The following ACBD6 variants were observed in gnomAD, a reference collection of about 807,000 sequenced individuals.
ACBD6 encodes acyl-CoA binding domain containing 6.
ACBD6 carries 28 observed loss-of-function variants against 37.2 expected under a neutral mutation model. That is an observed-to-expected ratio of 0.75 (90% CI 0.56 to 1.03). The LOEUF (loss-of-function observed/expected upper bound fraction) is 1.03. Among genes scored for constraint, ACBD6 ranks in the 50% least tolerant of loss-of-function variants. The pLI, the probability that ACBD6 is intolerant of heterozygous loss-of-function variation, is 0.00. For synonymous variants in ACBD6, 113 were observed against 126.8 expected, an observed-to-expected ratio of 0.89 and a Z score of 0.73; for missense variants, 340 against 337.4, an observed-to-expected ratio of 1.01 and a Z score of -0.06.
chr1:180,495,600 T>C (rs1651702882), intron 1 of ACBD6, 75 bp from the exon 2 acceptor site: 4 of 1,161,276 alleles, frequency 3.4e-6, no homozygotes, highest in South Asian at 2.5e-5. Flanking sequence ...TCAAATGTAT[T>C]ATGTATATTC....
intron 1 of ACBD6, 22 bp from the exon 2 acceptor site, chr1:180,495,547 A>C (rs1417419642): frequency 6.4e-7 from 1 of 1,564,666 alleles, no homozygotes; most frequent in East Asian, 2.2e-5. Flanking sequence ...AAGGAAAATC[A>C]AGAACTTATT....
intron 5 of ACBD6, among the ~76,000 whole-genome samples, chr1:180,400,500 C>T (rs1647308355): frequency 6.6e-6 from 1 of 152,060 alleles, no homozygotes; most frequent in Non-Finnish European, 1.5e-5. Context: ...ATATTCCATG[C>T]AGTATTAAAA....
chr1:180,291,456 C>T (rs1262897945), intron 7 of ACBD6, among the ~76,000 whole-genome samples: 2 of 152,114 alleles, frequency 1.3e-5, no homozygotes, highest in African/African-American at 2.4e-5. Context: ...TCTGTACTTC[C>T]CTAATGTCTA....
chr1:180,385,346 T>C (rs1367968836), intron 6 of ACBD6, among the ~76,000 whole-genome samples: 1 of 149,840 alleles, frequency 6.7e-6, no homozygotes, highest in Non-Finnish European at 1.5e-5. Flanking sequence ...AGTAATTACA[T>C]TAAATGTAAA....
intron 6 of ACBD6, among the ~76,000 whole-genome samples, chr1:180,367,890 C>T (rs533562383): frequency 7.2e-5 from 11 of 152,142 alleles, no homozygotes; most frequent in Admixed American, 2.0e-4. Flanking sequence ...GATTTATGTA[C>T]CTCTTGGTAT....
chr1:180,362,504 T>C (rs1652888770), intron 6 of ACBD6, among the ~76,000 whole-genome samples: 1 of 152,224 alleles, frequency 6.6e-6, no homozygotes, highest in Non-Finnish European at 1.5e-5. Flanking sequence ...CTTAAATAAA[T>C]ATGCTTTAAT....
At chr1:180,472,612 T>C (rs1018124855) in intron 3 of ACBD6, among the ~76,000 whole-genome samples, 1 of 152,100 alleles carries the variant, frequency 6.6e-6, no homozygotes, top group Non-Finnish European at 1.5e-5. Flanking sequence ...CATAGTCCAA[T>C]AATACAGTAA....
At chr1:180,404,200 C>G (rs994116956) in intron 5 of ACBD6, among the ~76,000 whole-genome samples, 2 of 152,118 alleles carry the variant, frequency 1.3e-5, no homozygotes, top group Admixed American at 6.5e-5. Context: ...ATCTGCCCAC[C>G]TCAGCCTCCC....
intron 6 of ACBD6, among the ~76,000 whole-genome samples, chr1:180,358,204 G>A (rs769030136): frequency 3.9e-5 from 6 of 152,100 alleles, no homozygotes; most frequent in Admixed American, 2.0e-4. Flanking sequence ...CGAGGTGGGC[G>A]GATCATGAGG....
intron 3 of ACBD6, among the ~76,000 whole-genome samples, chr1:180,469,768 T>G (rs1650485454): frequency 6.6e-6 from 1 of 152,190 alleles, no homozygotes; most frequent in Non-Finnish European, 1.5e-5. Flanking sequence ...TAACATTCAC[T>G]AATATCCTCA....
chr1:180,323,500 T>G (rs961825353), intron 6 of ACBD6, among the ~76,000 whole-genome samples: 6 of 152,104 alleles, frequency 3.9e-5, no homozygotes, highest in African/African-American at 1.4e-4. Flanking sequence ...AGTGGTATGT[T>G]GGAGTCTCCA....
intron 6 of ACBD6, among the ~76,000 whole-genome samples, chr1:180,337,903 G>C (rs758534184): frequency 1.1e-4 from 17 of 152,158 alleles, no homozygotes; most frequent in Non-Finnish European, 2.2e-4. Context: ...ATTCACAAGT[G>C]CTTCGAAGAG....
intron 3 of ACBD6, among the ~76,000 whole-genome samples, chr1:180,446,281 G>A (rs1649471823): frequency 6.6e-6 from 1 of 151,550 alleles, no homozygotes; most frequent in African/African-American, 2.4e-5. Context: ...CCTAAGTGCT[G>A]AGATTACAGG....
chr1:180,443,106 T>C (rs1338472432), intron 3 of ACBD6, among the ~76,000 whole-genome samples: 1 of 152,242 alleles, frequency 6.6e-6, no homozygotes, highest in Non-Finnish European at 1.5e-5. Flanking sequence ...CTTTAAATTA[T>C]GTTGGACTTT....
intron 3 of ACBD6, among the ~76,000 whole-genome samples, chr1:180,486,110 TG>T (rs1292550539): frequency 6.6e-6 from 1 of 152,170 alleles, no homozygotes; most frequent in Non-Finnish European, 1.5e-5. Flanking sequence ...ATTCTTTACC[TG>T]GGCCATTTCT....
intron 2 of ACBD6, among the ~76,000 whole-genome samples, chr1:180,494,113 C>T (rs368550431): frequency 6.6e-6 from 1 of 152,028 alleles, no homozygotes; most frequent in Non-Finnish European, 1.5e-5. Context: ...AGCCTGTAAC[C>T]CACGGTTTTG....
chr1:180,435,898 T>C (rs917577086), intron 3 of ACBD6: 8 of 1,389,950 alleles, frequency 5.8e-6, no homozygotes, highest in South Asian at 2.3e-5. Flanking sequence ...AGAACGTCAA[T>C]GGTGGTGGCC....
At chr1:180,424,959 C>A (rs996506276) in intron 4 of ACBD6, among the ~76,000 whole-genome samples, 5 of 152,168 alleles carry the variant, frequency 3.3e-5, no homozygotes, top group Non-Finnish European at 7.4e-5. Context: ...CTGTTTATGT[C>A]AAGACCCACA....
At chr1:180,280,215 A>G (rs756822735) in intron 9 of ACBD6, among the ~76,000 whole-genome samples, 6 of 152,152 alleles carry the variant, frequency 3.9e-5, no homozygotes, top group Non-Finnish European at 7.3e-5. Context: ...TCACATGTTT[A>G]GCTATTAGTT....
Sources: allele counts gnomAD v4.1 joint callset (sites outside exome capture counted in the v4.1 genomes callset), GRCh38; gene constraint gnomAD v4.1.1; transcripts MANE v1.5; gene names NCBI Gene and HGNC (gene_info 2026-07-23, HGNC 2026-07-21).